CD44: variants seen among roughly 807,000 people sequenced by gnomAD.
CD44 encodes the protein CD44 molecule (IN blood group), also known as CD44 antigen.
A neutral mutation model predicts 88.8 loss-of-function variants in CD44; 49 were observed. The observed-to-expected ratio is 0.55, with a 90% CI of 0.44 to 0.70. The LOEUF (loss-of-function observed/expected upper bound fraction) is 0.70, where lower values mean the gene tolerates loss of function less well. Ranked by LOEUF, CD44 falls within the 30% of genes least tolerant of loss-of-function variation. CD44 has a pLI of 0.00. For synonymous variants in CD44, 325 were observed against 312.3 expected, an observed-to-expected ratio of 1.04 and a Z score of -0.43; for missense variants, 883 against 913.8, an observed-to-expected ratio of 0.97 and a Z score of 0.43.
At chr11:35,192,130 G>A (rs1347787183) in intron 5 of CD44, among the ~76,000 whole-genome samples, 1 of 152,156 alleles carries the variant, frequency 6.6e-6, no homozygotes, top group Non-Finnish European at 1.5e-5. Flanking sequence ...AATGAATTGT[G>A]CCTTTCTCCT....
At chr11:35,165,765 T>C (rs1943191589) in intron 1 of CD44, among the ~76,000 whole-genome samples, 2 of 152,202 alleles carry the variant, frequency 1.3e-5, no homozygotes, top group Non-Finnish European at 2.9e-5. Flanking sequence ...CAAGGTCACA[T>C]AATTAGCTTA....
chr11:35,152,510 G>A (rs1327256274), intron 1 of CD44, among the ~76,000 whole-genome samples: 7 of 152,194 alleles, frequency 4.6e-5, no homozygotes, highest in Non-Finnish European at 8.8e-5. Flanking sequence ...ACCATTTGGG[G>A]ATAATAATCC....
chr11:35,165,641 A>G (rs1943175551), intron 1 of CD44, among the ~76,000 whole-genome samples: 1 of 152,200 alleles, frequency 6.6e-6, no homozygotes, highest in Admixed American at 6.5e-5. Context: ...TGTCCCAGGT[A>G]TGCACATCAA....
At chr11:35,176,449 A>C in intron 1 of CD44, 126 bp from the exon 2 acceptor site, 1 of 746,584 alleles carries the variant, frequency 1.3e-6, no homozygotes. Context: ...AAGTGCTGGG[A>C]TTGTAGGCAT....
intron 17 of CD44, among the ~76,000 whole-genome samples, chr11:35,225,681 G>T (rs555023382): frequency 6.6e-6 from 1 of 152,158 alleles, no homozygotes; most frequent in East Asian, 1.9e-4. Flanking sequence ...GCCAGGTGTG[G>T]TGGCGGGTGC....
At chr11:35,206,075 T>A in intron 10 of CD44, 37 bp from the exon 11 acceptor site, 1 of 1,577,294 alleles carries the variant, frequency 6.3e-7, no homozygotes, top group Non-Finnish European at 8.6e-7. Context: ...AAGCGTCCAT[T>A]AACACTTTGA....
intron 12 of CD44, 43 bp from the exon 13 acceptor site, chr11:35,209,922 C>T (rs144688157): frequency 2.8e-5 from 37 of 1,309,880 alleles, no homozygotes; most frequent in Middle Eastern, 3.7e-4. Flanking sequence ...GGATTTGTAC[C>T]GTAGCTTCAA....
intron 5 of CD44, among the ~76,000 whole-genome samples, chr11:35,192,629 C>A (rs941151093): frequency 3.3e-5 from 5 of 152,088 alleles, no homozygotes; most frequent in African/African-American, 1.2e-4. Flanking sequence ...ATCTGGGTAG[C>A]TTTAGGCTTC....
intron 14 of CD44, among the ~76,000 whole-genome samples, chr11:35,213,284 A>G (rs1171927965): frequency 1.3e-5 from 2 of 152,214 alleles, no homozygotes. Context: ...ATAATTCTCC[A>G]TGGATTAGAC....
chr11:35,142,196 T>C (rs115564455), intron 1 of CD44, among the ~76,000 whole-genome samples: 6,306 of 151,642 alleles, frequency 0.042, 239 homozygotes, highest in African/African-American at 0.1. Flanking sequence ...TTTTAATTAT[T>C]ATTATACTTT....
chr11:35,157,326 T>G (rs1157902159), intron 1 of CD44, among the ~76,000 whole-genome samples: 1 of 110,948 alleles, frequency 9.0e-6, no homozygotes, highest in African/African-American at 3.4e-5. Context: ...TGTCTGTCTA[T>G]CTATCTATCT....
chr11:35,159,477 A>G (rs1171766819), intron 1 of CD44, among the ~76,000 whole-genome samples: 1 of 152,224 alleles, frequency 6.6e-6, no homozygotes, highest in Admixed American at 6.5e-5. Context: ...TGGTGCAAAC[A>G]CATCATAAAT....
At chr11:35,197,842 T>C (rs768993997) in intron 6 of CD44, 24 of 335,916 alleles carry the variant, frequency 7.1e-5, no homozygotes, top group Non-Finnish European at 1.1e-4. Context: ...GGAGTTTTCA[T>C]TAGCCTTTAA....
chr11:35,206,072 C>T (rs748059775), intron 10 of CD44, 40 bp from the exon 11 acceptor site: 1 of 1,573,084 alleles, frequency 6.4e-7, no homozygotes, highest in Non-Finnish European at 8.6e-7. Flanking sequence ...ACCAAGCGTC[C>T]ATTAACACTT....
chr11:35,189,748 T>C (rs1262339962), intron 4 of CD44, 87 bp from the exon 5 acceptor site: 1 of 871,626 alleles, frequency 1.1e-6, no homozygotes, highest in Admixed American at 2.1e-5. Context: ...CAAAGGAAAA[T>C]AGCTTTGAAG....
chr11:35,174,161 G>C (rs565000054), intron 1 of CD44, among the ~76,000 whole-genome samples: 2 of 152,312 alleles, frequency 1.3e-5, no homozygotes, highest in South Asian at 4.2e-4. Context: ...CTGGGATTCA[G>C]AAAGGAGACT....
chr11:35,208,486 G>T (rs941629499), intron 12 of CD44, among the ~76,000 whole-genome samples: 26 of 152,212 alleles, frequency 1.7e-4, no homozygotes, highest in African/African-American at 6.3e-4. Flanking sequence ...AGTTATGTCA[G>T]TGAAACACAT....
At chr11:35,222,966 CCAA>C in intron 17 of CD44, 2 of 985,338 alleles carry the variant, frequency 2.0e-6, no homozygotes, top group Non-Finnish European at 2.4e-6. Flanking sequence ...ACAGCTAATT[CCAA>C]CACCATGGGC....
chr11:35,161,508 C>G (rs182660231), intron 1 of CD44, among the ~76,000 whole-genome samples: 10 of 152,282 alleles, frequency 6.6e-5, no homozygotes, highest in East Asian at 5.8e-4. Flanking sequence ...GTCAGGAGAG[C>G]CTTGCAAGCG....
Sources: allele counts gnomAD v4.1 joint callset (sites outside exome capture counted in the v4.1 genomes callset), GRCh38; gene constraint gnomAD v4.1.1; transcripts MANE v1.5; gene names NCBI Gene and HGNC (gene_info 2026-07-23, HGNC 2026-07-21).